The following ANKRD30B variants were observed in gnomAD, a reference collection of about 807,000 sequenced individuals.
ANKRD30B encodes the protein ankyrin repeat domain 30B.
Under a neutral mutation model 202.2 loss-of-function variants are expected in ANKRD30B, and 144 were observed. That is an observed-to-expected ratio of 0.71 (90% CI 0.62 to 0.82). The LOEUF (loss-of-function observed/expected upper bound fraction) is 0.82, where lower values mean the gene tolerates loss of function less well. Among genes scored for constraint, ANKRD30B ranks in the 40% least tolerant of loss-of-function variants. The probability of loss-of-function intolerance (pLI) is 0.00; values close to 1 mark genes in which losing one functional copy is unlikely to be tolerated. For synonymous variants in ANKRD30B, 508 were observed against 561.3 expected (o/e 0.91, Z 1.34); for missense variants, 1,487 against 1,669.1 (o/e 0.89, Z 1.90).
the ANKRD30B span, among the ~76,000 whole-genome samples, chr18:14,931,262 A>T: frequency 6.6e-6 from 1 of 152,158 alleles, no homozygotes; most frequent in African/African-American, 2.4e-5. Context: ...TCATTTTTCA[A>T]ATGAGGCAGA....
In ANKRD30B at chr18:14,851,634, A is replaced by G. The variant is rs879076288; in HGVS notation, c.3690A>G (p.Lys1230=). 6.2e-7 allele frequency: 1 copy of G among 1,612,028 alleles called. No individual in the cohort carries two copies. The highest frequency in any genetic ancestry group is 1.1e-5 in the South Asian group (1 of 90,846). Residue 1230 remains lysine, a synonymous_variant, in exon 42 of 44, where the codon AAA becomes AAG. Transcript: ENST00000690538. ...LKHQHQVKEN[K]YFEDIKILQE... ...ATCAACACCAGGTGAAGGAAAATAAATACTTTGAGGACATTAAGATTTTAC... is the reference window on the plus strand; with the variant it reads ...ATCAACACCAGGTGAAGGAAAATAAGTACTTTGAGGACATTAAGATTTTAC...
chr18:14,815,506 G>C lies in ANKRD30B; in HGVS notation c.2641+795G>C, dbSNP rs867695010. Among the ~76,000 whole-genome samples, 9 of 152,078 alleles carry C rather than the reference G, an allele frequency of 5.9e-5. No individual in the cohort carries two copies. The South Asian group carries it at 1.9e-3, about 31-fold the overall frequency. On this transcript the variant is annotated intron_variant, in intron 30 of 43. Coordinates refer to ENST00000690538, the MANE Select transcript of ANKRD30B (RefSeq NM_001367607.2). Reference sequence around the variant, plus strand: ...CTTTCATGGGAAAAATGTGGAAGAAGAGTAATTGGATAGAGGGTCAAAAGG... The same window carrying C: ...CTTTCATGGGAAAAATGTGGAAGAACAGTAATTGGATAGAGGGTCAAAAGG...
At chr18:14,837,779 C>T (rs1971241373) in intron 36 of ANKRD30B, 103 bp downstream of exon 36, 12 of 1,251,134 alleles carry the variant, frequency 9.6e-6, no homozygotes, top group Non-Finnish European at 1.2e-5. Flanking sequence ...TGATTATGTC[C>T]ATAAGGCGGG....
the ANKRD30B span, chr18:14,905,881 C>G: frequency 6.6e-6 from 1 of 152,118 alleles, no homozygotes; most frequent in Non-Finnish European, 1.5e-5. Flanking sequence ...AATGTTAATG[C>G]TGGTAAGTTT....
At chr18:14,879,780 T>C in the ANKRD30B span, among the ~76,000 whole-genome samples, 18 of 151,670 alleles carry the variant, frequency 1.2e-4, no homozygotes, top group South Asian at 2.3e-3. Context: ...GGGGTCAGGG[T>C]CAGGGGTTAA....
At chr18:14,821,963 T>G (rs10853252) in intron 30 of ANKRD30B, among the ~76,000 whole-genome samples, 37,837 of 152,124 alleles carry the variant, frequency 0.25, 6,118 homozygotes, top group Non-Finnish European at 0.35. Context: ...GATAAGTAAA[T>G]TGTACCTTTG....
At chr18:14,795,979 A>C (rs1188424446) in intron 16 of ANKRD30B, among the ~76,000 whole-genome samples, 5 of 151,974 alleles carry the variant, frequency 3.3e-5, no homozygotes, top group Non-Finnish European at 7.4e-5. Context: ...CAGTTGAAAT[A>C]TATTTTGATT....
At chr18:14,867,475 G>A in the ANKRD30B span, among the ~76,000 whole-genome samples, 40 of 152,158 alleles carry the variant, frequency 2.6e-4, no homozygotes, top group East Asian at 1.2e-3. Flanking sequence ...GTGTTGGAGC[G>A]CAGAGGGTGC....
intron 18 of ANKRD30B, 28 bp from the exon 19 acceptor site, chr18:14,797,633 T>G: frequency 5.6e-6 from 9 of 1,596,356 alleles, no homozygotes; most frequent in Non-Finnish European, 7.7e-6. Flanking sequence ...TTGCATATAA[T>G]CAATTATAAA....
intron 37 of ANKRD30B, among the ~76,000 whole-genome samples, chr18:14,841,757 C>T (rs1441422921): frequency 6.6e-6 from 1 of 152,116 alleles, no homozygotes; most frequent in Non-Finnish European, 1.5e-5. Context: ...TGAGTGAATT[C>T]ACTTCAGATG....
At chr18:14,850,479 A>T in intron 41 of ANKRD30B, 97 bp downstream of exon 41, 1 of 1,217,164 alleles carries the variant, frequency 8.2e-7, no homozygotes, top group Non-Finnish European at 1.1e-6. Flanking sequence ...ATTCAGGTCT[A>T]AATCAAAGAA....
intron 14 of ANKRD30B, among the ~76,000 whole-genome samples, chr18:14,785,651 AC>A (rs1968032467): frequency 6.6e-6 from 1 of 152,206 alleles, no homozygotes; most frequent in Non-Finnish European, 1.5e-5. Context: ...GATCTCTGAA[AC>A]GATCCAGGGT....
chr18:14,935,639 T>C, the ANKRD30B span, among the ~76,000 whole-genome samples: 1 of 152,244 alleles, frequency 6.6e-6, no homozygotes, highest in African/African-American at 2.4e-5. Flanking sequence ...TATATGTGTG[T>C]GTCTCTGGGT....
intron 7 of ANKRD30B, among the ~76,000 whole-genome samples, chr18:14,768,691 ATGT>A (rs1916631292): frequency 6.6e-6 from 1 of 152,162 alleles, no homozygotes; most frequent in African/African-American, 2.4e-5. Flanking sequence ...GAGGGAAATC[ATGT>A]TGTGTGTGTT....
intron 15 of ANKRD30B, among the ~76,000 whole-genome samples, chr18:14,791,171 A>G (rs1356949904): frequency 2.6e-5 from 4 of 151,962 alleles, no homozygotes; most frequent in Non-Finnish European, 5.9e-5. Flanking sequence ...TTTCTAGTTT[A>G]TTTGTGTAGA....
rs763850930 is a variant in ANKRD30B at position 14,796,361 on chromosome 18, G to A, written c.1873G>A (p.Val625Ile). Residue 625 changes from valine to isoleucine, a missense_variant, in exon 18 of 44, where the codon GTT (valine) becomes ATT (isoleucine). Coordinates refer to ENST00000690538, the MANE Select transcript of ANKRD30B (RefSeq NM_001367607.2). ...CATTTAGCCTACCTGTGGAAGGAAA[G>A]TTTCTCTTCCAAATAAAGCCTTAGA... Reference protein sequence around the residue: ...GLLKPTCGRKVSLPNKALELK... With the variant: ...GLLKPTCGRKISLPNKALELK... The A allele has an allele frequency of 1.3e-6, 2 of 1,578,694 alleles. No individual in the cohort carries two copies. The highest frequency in any genetic ancestry group is 2.7e-5 in the African/African-American group (2 of 73,700).
At chr18:14,798,934 G>A (rs1415439533) in intron 20 of ANKRD30B, among the ~76,000 whole-genome samples, 167 bp from the exon 21 acceptor site, 1 of 152,118 alleles carries the variant, frequency 6.6e-6, no homozygotes, top group Non-Finnish European at 1.5e-5. Context: ...TCTCCCTACA[G>A]TTGGCATGTT....
At chr18:14,817,180 T>C (rs1970159146) in intron 30 of ANKRD30B, 1 of 152,226 alleles carries the variant, frequency 6.6e-6, no homozygotes, top group African/African-American at 2.4e-5. Flanking sequence ...ATTACAGATG[T>C]CAACAAGGTT....
the ANKRD30B span, among the ~76,000 whole-genome samples, chr18:14,880,753 T>C: frequency 6.5e-4 from 99 of 152,154 alleles, 1 homozygote; most frequent in African/African-American, 2.3e-3. Context: ...TCTTTCAGCA[T>C]TGTTTTGTAA....
Sources: allele counts gnomAD v4.1 joint callset (sites outside exome capture counted in the v4.1 genomes callset), GRCh38; gene constraint gnomAD v4.1.1; transcripts MANE v1.5; gene names NCBI Gene and HGNC (gene_info 2026-07-23, HGNC 2026-07-21).